Variants in SLC25A40 observed in about 807,000 individuals in gnomAD.
SLC25A40 encodes the protein mitochondrial glutathione transporter SLC25A40.
Under a neutral mutation model 46.5 loss-of-function variants are expected in SLC25A40, and 41 were observed. The observed-to-expected ratio is 0.88, with a 90% confidence interval of 0.69 to 1.14. SLC25A40 has a LOEUF of 1.14. SLC25A40 is among the 50% of genes most tolerant of loss of function. The pLI is 0.00. For synonymous variants in SLC25A40, 126 were observed against 127.5 expected, an observed-to-expected ratio of 0.99 and a Z score of 0.08; for missense variants, 386 against 393.6, an observed-to-expected ratio of 0.98 and a Z score of 0.16.
intron 5 of SLC25A40, among the ~76,000 whole-genome samples, chr7:87,852,439 C>T (rs527964536): frequency 6.6e-6 from 1 of 152,140 alleles, no homozygotes; most frequent in Admixed American, 6.5e-5. Flanking sequence ...CACAGTGGCA[C>T]ATGCCTATAG....
chr7:87,850,683 G>A (rs569599702), intron 5 of SLC25A40, among the ~76,000 whole-genome samples: 2 of 152,036 alleles, frequency 1.3e-5, no homozygotes, highest in Non-Finnish European at 2.9e-5. Flanking sequence ...TGGGAGGACT[G>A]CTTCAGCCCA....
intron 5 of SLC25A40, among the ~76,000 whole-genome samples, chr7:87,851,427 C>T (rs1838508447): frequency 1.3e-5 from 2 of 152,164 alleles, no homozygotes; most frequent in African/African-American, 2.4e-5. Context: ...ACTTGTGGCA[C>T]CACCCAGACC....
At chr7:87,849,025 A>G (rs1473646110) in intron 6 of SLC25A40, among the ~76,000 whole-genome samples, 2 of 152,234 alleles carry the variant, frequency 1.3e-5, no homozygotes, top group Non-Finnish European at 2.9e-5. Flanking sequence ...ACATTTTTAC[A>G]TTCAATATTA....
intron 1 of SLC25A40, among the ~76,000 whole-genome samples, chr7:87,875,470 T>C (rs1838981043): frequency 6.6e-6 from 1 of 151,936 alleles, no homozygotes; most frequent in Non-Finnish European, 1.5e-5. Flanking sequence ...AATCAACCAC[T>C]ACAGGAGTGC....
rs571906435 is a variant in SLC25A40, at chr7:87,834,328, T to G, written c.*1921A>C. The G allele has an allele frequency of 2.6e-5, 4 of 151,928 alleles. No individual in the cohort carries two copies. The highest frequency in any genetic ancestry group is 2.6e-4 in the Admixed American group (4 of 15,202). 9.4% of individuals were successfully genotyped at this position (151,928 alleles called of 1,614,324 possible). ...ATAGACTGAATTTTTCTAGGTACTA[T>G]TTTAATACAAATTATTATTATAGCA... On this transcript the variant is annotated 3_prime_UTR_variant, in exon 12 of 12. Transcript: ENST00000341119.
chr7:87,847,919 G>A lies in SLC25A40; in HGVS notation c.391C>T (p.Leu131Phe). The change falls in exon 7 of 12, where the codon CTT (leucine) becomes TTT (phenylalanine). Residue 131 changes from leucine (L) to phenylalanine (F), a missense_variant. Physicochemically the swap from Leu to Phe is conservative, Grantham distance 22. Coordinates refer to ENST00000341119, the MANE Select transcript of SLC25A40 (RefSeq NM_018843.4). ...TTTTCTCCTAACTTAGATCTCAGAA[G>A]AGCACTTAATTGATCATAGCAGGTA... ...YFTCYDQLSA[L>F]LRSKLGENET... The A allele has an allele frequency of 6.2e-7, 1 of 1,611,478 alleles. No homozygotes were observed. The highest frequency in any genetic ancestry group is 8.5e-7 in the Non-Finnish European group (1 of 1,178,874).
At position 87,836,231 on chromosome 7, in the gene SLC25A40, CAAGTTGA is replaced by C. The variant is rs769957787; in HGVS notation, c.*11_*17del. Reference sequence around the variant, plus strand: ...TCTTCTTTGGCTATAGTTGTTGTTTCAAGTTGAAACAGCATCACTAGTATTGCTGCCT... The same window carrying C: ...TCTTCTTTGGCTATAGTTGTTGTTTCAACAGCATCACTAGTATTGCTGCCT... On this transcript the variant is annotated 3_prime_UTR_variant, in exon 12 of 12. Coordinates refer to ENST00000341119, the MANE Select transcript of SLC25A40 (RefSeq NM_018843.4). 8 of 1,504,122 alleles carry C rather than the reference CAAGTTGA, an allele frequency of 5.3e-6. No homozygotes were observed. The highest frequency in any genetic ancestry group is 7.3e-6 in the Non-Finnish European group (8 of 1,101,138). The allele number at this position is 1,504,122 out of a possible 1,614,324, so 93.2% of individuals were successfully genotyped here. A position where few individuals can be genotyped will look rare whatever the true frequency, so the allele number is the denominator to read the frequency against.
rs1454134627 is a variant in SLC25A40 at position 87,846,947 on chromosome 7, ACCTGAGAAAGGTACATCT to A, written c.615_631+1del. The A allele has an allele frequency of 1.9e-6, 3 of 1,594,620 alleles. No homozygotes were observed. Among genetic ancestry groups the A allele is most frequent in the Non-Finnish European group, 2.6e-6 (3 of 1,172,234 alleles). Reference sequence around the variant, plus strand: ...AGTAGCTACAAATAAGATAAATCCTACCTGAGAAAGGTACATCTCTAAGAACAGTAGGAGCCCAGCCCC... The same window carrying A: ...AGTAGCTACAAATAAGATAAATCCTACTAAGAACAGTAGGAGCCCAGCCCC... On this transcript the variant is annotated splice_donor_variant and coding_sequence_variant, in exon 8 of 12. Coordinates refer to ENST00000341119, the MANE Select transcript of SLC25A40 (RefSeq NM_018843.4). LOFTEE classifies it high-confidence loss of function.
In SLC25A40 at chr7:87,854,227, G is replaced by C. The variant is rs961238293; in HGVS notation, c.241C>G (p.Pro81Ala). 1 of 1,611,952 alleles carries C rather than the reference G, an allele frequency of 6.2e-7. No homozygotes were observed. Among genetic ancestry groups the C allele is most frequent in the Non-Finnish European group, 8.5e-7 (1 of 1,178,326 alleles). Reference sequence around the variant, plus strand: ...ACCAATGTTCCCTGGAAATTTCCTGGCTTCTTATACCATAGTTTGTTGCCT... The same window carrying C: ...ACCAATGTTCCCTGGAAATTTCCTGCCTTCTTATACCATAGTTTGTTGCCT... Reference protein sequence around the residue: ...EGGNKLWYKKPGNFQGTLDAF... With the variant: ...EGGNKLWYKKAGNFQGTLDAF... Residue 81 changes from proline (P) to alanine (A), a missense_variant, in exon 5 of 12, where the codon CCA becomes GCA. Coordinates refer to ENST00000341119, the MANE Select transcript of SLC25A40 (RefSeq NM_018843.4).
intron 1 of SLC25A40, among the ~76,000 whole-genome samples, chr7:87,871,716 T>G (rs1051220134): frequency 2.6e-5 from 4 of 152,178 alleles, no homozygotes; most frequent in Non-Finnish European, 4.4e-5. Context: ...TTTGTTAAAT[T>G]TTTGCTAAGA....
In SLC25A40 at chr7:87,836,079, T is replaced by C; in HGVS notation, c.*170A>G. 4.2e-6 allele frequency: 2 copies of C among 473,858 alleles called. No individual in the cohort carries two copies. Among genetic ancestry groups the C allele is most frequent in the East Asian group, 7.6e-5 (2 of 26,366 alleles). The allele number at this position is 473,858 out of a possible 1,614,324, so 29.4% of individuals were successfully genotyped here. A position where few individuals can be genotyped will look rare whatever the true frequency, so the allele number is the denominator to read the frequency against. ...TTTTTCAATATCACCAAAAATAAGA[T>C]AAAATTTATTTTAAAATTATGATTT... On this transcript the variant is annotated 3_prime_UTR_variant, in exon 12 of 12. Coordinates refer to ENST00000341119, the MANE Select transcript of SLC25A40 (RefSeq NM_018843.4).
At chr7:87,841,404 CTT>C (rs1838332377) in intron 10 of SLC25A40, among the ~76,000 whole-genome samples, 1 of 151,628 alleles carries the variant, frequency 6.6e-6, no homozygotes, top group Non-Finnish European at 1.5e-5. Context: ...AGGTATCAGA[CTT>C]AACTGATGGC....
intron 1 of SLC25A40, among the ~76,000 whole-genome samples, chr7:87,871,770 T>G (rs1239270628): frequency 6.6e-6 from 1 of 152,232 alleles, no homozygotes; most frequent in African/African-American, 2.4e-5. Context: ...CCATAATTTT[T>G]TGTATCATCT....
At chr7:87,872,406 AAAC>A (rs1838908510) in intron 1 of SLC25A40, among the ~76,000 whole-genome samples, 1 of 152,202 alleles carries the variant, frequency 6.6e-6, no homozygotes, top group Non-Finnish European at 1.5e-5. Context: ...GAAAGCTGAA[AAAC>A]AATAGGAAAA....
At chr7:87,850,014 C>T (rs925069979) in intron 5 of SLC25A40, 66 bp from the exon 6 acceptor site, 21 of 982,874 alleles carry the variant, frequency 2.1e-5, no homozygotes, top group Non-Finnish European at 3.1e-5. Context: ...AAAATTTATA[C>T]TGATGATTGG....
chr7:87,872,120 A>G (rs1838904304), intron 1 of SLC25A40, among the ~76,000 whole-genome samples: 2 of 152,250 alleles, frequency 1.3e-5, no homozygotes, highest in Admixed American at 1.3e-4. Context: ...AAATTTATCT[A>G]TAGATTCACA....
In SLC25A40 at chr7:87,836,357, T is replaced by C. The variant is rs545972367; in HGVS notation, c.909A>G (p.Leu303=). ...GAGCAATTTTAATTAAGCGAGGAAT[T>C]AGGCCTGAGAAAAGAATAGGAATAA... ...KNGFSGLFSG[L]IPRLIKIAPA... is the part of the protein sequence containing the mutation. The change falls in exon 12 of 12, where the codon CTA becomes CTG. Residue 303 remains leucine (L), a synonymous_variant. Coordinates refer to ENST00000341119, the MANE Select transcript of SLC25A40 (RefSeq NM_018843.4). The C allele has an allele frequency of 1.4e-4, 219 of 1,523,332 alleles. 2 individuals carry two copies. The South Asian group carries it at 2.7e-3, about 19-fold the overall frequency. The allele number at this position is 1,523,332 out of a possible 1,614,324, so 94.4% of individuals were successfully genotyped here.
At chr7:87,866,683 C>T (rs1006319489) in intron 1 of SLC25A40, among the ~76,000 whole-genome samples, 1 of 152,226 alleles carries the variant, frequency 6.6e-6, no homozygotes, top group African/African-American at 2.4e-5. Context: ...GGAGATAACA[C>T]TCCTTGAAGC....
rs1467198345 is a variant in SLC25A40 at position 87,833,645 on chromosome 7, T to G, written c.*2604A>C. 2 of 151,912 alleles carry G rather than the reference T, an allele frequency of 1.3e-5. No individual in the cohort carries two copies. Among genetic ancestry groups the G allele is most frequent in the African/African-American group, 2.4e-5 (1 of 41,400 alleles). The allele number at this position is 151,912 out of a possible 1,614,324, so 9.4% of individuals were successfully genotyped here. A position where few individuals can be genotyped will look rare whatever the true frequency, so the allele number is the denominator to read the frequency against. On this transcript the variant is annotated 3_prime_UTR_variant, in exon 12 of 12. Transcript: ENST00000341119. The stretch of plus-strand genomic sequence containing the variant: ...AAGGGATACAATAAACTTTTCCATA[T>G]CCCAAAAACTTGTGCCCAAGACAAA...
Sources: gnomAD v4.1 joint callset for allele counts (sites outside exome capture counted in the v4.1 genomes callset) on GRCh38, gnomAD v4.1.1 for gene constraint, MANE v1.5 for transcripts, NCBI Gene and HGNC (gene_info 2026-07-23, HGNC 2026-07-21) for gene names.